The following OSBPL9 variants were observed in gnomAD, a reference collection of about 807,000 sequenced individuals.
The protein encoded by OSBPL9 is oxysterol-binding protein-related protein 9.
A neutral mutation model predicts 106.6 loss-of-function variants in OSBPL9; 40 were observed. That is an observed-to-expected ratio of 0.38 (90% CI 0.29 to 0.49). The LOEUF is 0.49. Ranked by LOEUF, OSBPL9 falls within the 20% of genes least tolerant of loss-of-function variation. OSBPL9 has a pLI of 0.97. For synonymous variants in OSBPL9, 269 were observed against 295.4 expected, an observed-to-expected ratio of 0.91 and a Z score of 0.92; for missense variants, 609 against 887.2, an observed-to-expected ratio of 0.69 and a Z score of 3.98.
At chr1:51,625,296 CT>C (rs985576945) in intron 1 of OSBPL9, among the ~76,000 whole-genome samples, 1 of 152,038 alleles carries the variant, frequency 6.6e-6, no homozygotes, top group Non-Finnish European at 1.5e-5. Context: ...ATTAGATTTT[CT>C]TTTTTTAAAA....
chr1:51,693,782 C>A (rs552828516), intron 3 of OSBPL9, among the ~76,000 whole-genome samples: 12 of 152,354 alleles, frequency 7.9e-5, no homozygotes, highest in Non-Finnish European at 1.0e-4. Flanking sequence ...CATCTGACTA[C>A]TCAGCATGTC....
Position 51,756,338 on chromosome 1 carries a change from A to C in OSBPL9, c.562A>C (p.Lys188Gln), listed in dbSNP as rs753838382. 1.9e-6 allele frequency: 3 copies of C among 1,613,254 alleles called. No homozygotes were observed. In the Admixed American group the frequency reaches 5.0e-5, roughly 27 times the overall value. ...QIAKDQSNAE[K>Q]HADGMISTIN... Reference sequence around the variant, plus strand: ...CCTTAAGGACCAGAGTAATGCGGAGAAGCACGCAGATGGAATGATAGTAAG... The same window carrying C: ...CCTTAAGGACCAGAGTAATGCGGAGCAGCACGCAGATGGAATGATAGTAAG... The change falls in exon 9 of 24, where the codon AAG (lysine) becomes CAG (glutamine). Residue 188 changes from lysine (K) to glutamine (Q), a missense_variant. By Grantham distance (53) the Lys-to-Gln change is moderately conservative. Around this residue, in one of 5 missense-constraint regions of OSBPL9, gnomAD observed 356 missense variants for 505.8 expected, o/e 0.70. Coordinates refer to ENST00000428468, the MANE Select transcript of OSBPL9 (RefSeq NM_024586.6).
At chr1:51,696,719 C>G (rs1396252307) in intron 3 of OSBPL9, among the ~76,000 whole-genome samples, 1 of 152,196 alleles carries the variant, frequency 6.6e-6, no homozygotes, top group African/African-American at 2.4e-5. Context: ...AACAAAAATT[C>G]TCTAAAAGAC....
intron 3 of OSBPL9, among the ~76,000 whole-genome samples, chr1:51,694,940 T>C (rs183876569): frequency 1.3e-5 from 2 of 152,366 alleles, no homozygotes; most frequent in Admixed American, 1.3e-4. Flanking sequence ...GGGGAAATGT[T>C]TGCCAAACAC....
chr1:51,748,285 T>C, intron 6 of OSBPL9, 84 bp from the exon 7 acceptor site: 25 of 1,453,606 alleles, frequency 1.7e-5, no homozygotes, highest in Admixed American at 3.1e-5. Context: ...TTTGGTAAAA[T>C]TCTTTAAATG....
intron 2 of OSBPL9, among the ~76,000 whole-genome samples, chr1:51,659,504 G>T (rs1647010971): frequency 1.3e-5 from 2 of 151,646 alleles, no homozygotes; most frequent in Non-Finnish European, 2.9e-5. Flanking sequence ...GTAAAGAAAA[G>T]AAATAGCAAA....
intron 3 of OSBPL9, among the ~76,000 whole-genome samples, chr1:51,712,434 A>AGG (rs1660265010): frequency 6.6e-6 from 1 of 152,122 alleles, no homozygotes; most frequent in Non-Finnish European, 1.5e-5. Context: ...GGAGAGGGAG[A>AGG]GGGAGAGCTA....
intron 2 of OSBPL9, among the ~76,000 whole-genome samples, chr1:51,598,646 G>A (rs1441502399): frequency 1.3e-5 from 2 of 152,092 alleles, no homozygotes; most frequent in Non-Finnish European, 2.9e-5. Flanking sequence ...ATGCTAATTC[G>A]ACAACTAGTT....
chr1:51,789,157 A>G lies in OSBPL9; in HGVS notation c.*1368A>G, dbSNP rs752903472. 9 of 1,306,622 alleles carry G rather than the reference A, an allele frequency of 6.9e-6. No homozygotes were observed. The highest frequency in any genetic ancestry group is 8.9e-6 in the Non-Finnish European group (8 of 903,530). The allele number at this position is 1,306,622 out of a possible 1,614,324, so 80.9% of individuals were successfully genotyped here. On this transcript the variant is annotated 3_prime_UTR_variant, in exon 24 of 24. Transcript: ENST00000428468. ...ACTTCAATGGAAGCCCTAAGGCAGT[A>G]GTATAACTAACTCCATAAAATACAA...
the OSBPL9 span, among the ~76,000 whole-genome samples, chr1:51,529,454 A>G: frequency 2.6e-5 from 4 of 152,076 alleles, no homozygotes; most frequent in African/African-American, 9.7e-5. Context: ...CGTGTTAGCC[A>G]GGATGGTCTT....
At chr1:51,548,715 G>A in the OSBPL9 span, among the ~76,000 whole-genome samples, 6 of 152,230 alleles carry the variant, frequency 3.9e-5, no homozygotes, top group East Asian at 1.2e-3. Flanking sequence ...AACAGTGTAT[G>A]CACAGTCAAT....
At chr1:51,557,165 AG>A in the OSBPL9 span, among the ~76,000 whole-genome samples, 2 of 152,178 alleles carry the variant, frequency 1.3e-5, no homozygotes. Flanking sequence ...TGGCCAAAAA[AG>A]TTTTCTTGTT....
At chr1:51,555,116 A>C in the OSBPL9 span, among the ~76,000 whole-genome samples, 1,107 of 152,300 alleles carry the variant, frequency 7.3e-3, 16 homozygotes, top group African/African-American at 0.026. Context: ...TCACTCTGCT[A>C]GCCTCCAAAT....
chr1:51,740,842 A>G (rs1666749613), intron 4 of OSBPL9, among the ~76,000 whole-genome samples: 1 of 151,848 alleles, frequency 6.6e-6, no homozygotes, highest in African/African-American at 2.4e-5. Flanking sequence ...CTTTATCTCC[A>G]CTGTTCATTA....
rs367790227 is a variant in OSBPL9, at chr1:51,711,641, T to C, written c.242-2362T>C. On this transcript the variant is annotated intron_variant, in intron 3 of 23. Transcript: ENST00000428468. ...CGGGGCAGCTGCTGGGCGGAGGGGC[T>C]CCTCACTTCTCAGACGGGGTGGTTG... is the stretch of plus-strand genomic sequence containing the variant. Among the ~76,000 whole-genome samples the C allele has an allele frequency of 2.7e-4, 36 of 134,882 alleles. No homozygotes were observed. The East Asian group carries it at 6.6e-3, about 25-fold the overall frequency. 88.5% of individuals were successfully genotyped at this position (134,882 alleles called of 152,430 possible).
intron 14 of OSBPL9, among the ~76,000 whole-genome samples, chr1:51,773,990 G>A (rs1195623093): frequency 6.6e-6 from 1 of 151,776 alleles, no homozygotes; most frequent in African/African-American, 2.4e-5. Flanking sequence ...TAGGAAGGAC[G>A]TTGTTTTCCA....
intron 4 of OSBPL9, among the ~76,000 whole-genome samples, chr1:51,736,428 T>C (rs1665720762): frequency 6.6e-6 from 1 of 151,806 alleles, no homozygotes; most frequent in Admixed American, 6.6e-5. Flanking sequence ...TGACTGATCA[T>C]CTATCTGTTA....
chr1:51,778,999 G>T (rs1218965633), intron 15 of OSBPL9, among the ~76,000 whole-genome samples: 1 of 152,172 alleles, frequency 6.6e-6, no homozygotes, highest in African/African-American at 2.4e-5. Flanking sequence ...TGGCAATTAA[G>T]CAATGCACTT....
At chr1:51,770,562 G>A (rs1290113005) in intron 12 of OSBPL9, among the ~76,000 whole-genome samples, 1 of 152,188 alleles carries the variant, frequency 6.6e-6, no homozygotes. Flanking sequence ...ACAGGCGTGA[G>A]CCATCATGCC....
Sources: gnomAD v4.1 joint callset for allele counts (sites outside exome capture counted in the v4.1 genomes callset) on GRCh38, gnomAD v4.1.1 for gene constraint, gnomAD v4.1.1 regional missense constraint, MANE v1.5 for transcripts, NCBI Gene and HGNC (gene_info 2026-07-23, HGNC 2026-07-21) for gene names.